Variants in KLHL36 observed in about 807,000 individuals in gnomAD.
KLHL36 encodes the protein kelch like family member 36.
KLHL36 carries 35 observed loss-of-function variants against 53.3 expected under a neutral mutation model. The observed-to-expected ratio is 0.66, with a 90% CI of 0.50 to 0.87. The LOEUF (loss-of-function observed/expected upper bound fraction) is 0.87, where lower values mean the gene tolerates loss of function less well. Ranked by LOEUF, KLHL36 falls within the 40% of genes least tolerant of loss-of-function variation. The pLI, the probability that KLHL36 is intolerant of heterozygous loss-of-function variation, is 0.00. For synonymous variants in KLHL36, 472 were observed against 398.9 expected (o/e 1.18, Z -2.18); for missense variants, 864 against 897.6 (o/e 0.96, Z 0.48).
chr16:84,651,019 T>A, intron 2 of KLHL36, 89 bp downstream of exon 2: 1 of 1,102,840 alleles, frequency 9.1e-7, no homozygotes, highest in Admixed American at 2.4e-5. Context: ...ACAGACTGAT[T>A]TTTTTGTCAT....
intron 2 of KLHL36, among the ~76,000 whole-genome samples, chr16:84,656,011 G>A (rs1907178880): frequency 6.6e-6 from 1 of 151,922 alleles, no homozygotes; most frequent in South Asian, 2.1e-4. Context: ...TCCTGCCTCA[G>A]CCTCCTGAGC....
intron 1 of KLHL36, among the ~76,000 whole-genome samples, chr16:84,649,927 G>A (rs1359364816): frequency 6.6e-6 from 1 of 152,148 alleles, no homozygotes; most frequent in Non-Finnish European, 1.5e-5. Context: ...TCCCTTCTCT[G>A]TGTTCCCTTC....
chr16:84,653,788 C>T (rs1907040734), intron 2 of KLHL36, among the ~76,000 whole-genome samples: 2 of 144,280 alleles, frequency 1.4e-5, no homozygotes, highest in South Asian at 2.2e-4. Flanking sequence ...TGCAGTGAGC[C>T]GAGATCGAGC....
At position 84,662,016 on chromosome 16, in the gene KLHL36, C is replaced by T. The variant is rs759427547; in HGVS notation, c.1734C>T (p.Gly578=). The T allele has an allele frequency of 6.3e-6, 10 of 1,589,352 alleles. No homozygotes were observed. The highest frequency in any genetic ancestry group is 2.3e-5 in the East Asian group (1 of 44,024). The change falls in exon 5 of 5, where the codon GGC becomes GGT. Residue 578 remains glycine, a synonymous_variant. Transcript: ENST00000564996. ...YDREADKWSR[G]VDLPKAIAGG... is the part of the protein sequence containing the mutation. ...GCGAGGCCGACAAGTGGAGCAGGGG[C>T]GTCGACCTGCCCAAGGCCATCGCTG...
intron 1 of KLHL36, among the ~76,000 whole-genome samples, chr16:84,650,275 A>G (rs1261464823): frequency 6.6e-6 from 1 of 151,972 alleles, no homozygotes; most frequent in Admixed American, 6.6e-5. Context: ...CCACATCCTC[A>G]TCTGCATCAT....
rs1239715461 is a variant in KLHL36, at chr16:84,661,697, T to C, written c.1415T>C (p.Val472Ala). Residue 472 changes from valine to alanine, a missense_variant, in exon 5 of 5, where the codon GTG (valine) becomes GCG (alanine). Val to Ala is a moderately conservative substitution (Grantham distance 64). Coordinates refer to ENST00000564996, the MANE Select transcript of KLHL36 (RefSeq NM_024731.4). This position sits in a 1 kb window ranked among gnomAD's most constrained non-coding sequence, Gnocchi z 7.9. ...NLLCYDHRTDVWEERRPMTTA... is the reference protein window; with the variant it reads ...NLLCYDHRTDAWEERRPMTTA... ...CTATGCTACGACCACCGGACAGACG[T>C]GTGGGAGGAGCGGCGGCCCATGACC... 1 of 1,612,024 alleles carries C rather than the reference T, an allele frequency of 6.2e-7. No individual in the cohort carries two copies. Among genetic ancestry groups the C allele is most frequent in the Non-Finnish European group, 8.5e-7 (1 of 1,179,378 alleles).
rs769084766 is a variant in KLHL36 at position 84,657,266 on chromosome 16, G to A, written c.459G>A (p.Glu153=). Residue 153 remains glutamate, a synonymous_variant, in exon 3 of 5, where the codon GAG becomes GAA. Coordinates refer to ENST00000564996, the MANE Select transcript of KLHL36 (RefSeq NM_024731.4). The stretch of plus-strand genomic sequence containing the variant: ...AGGACAACTACCTGTACCTGCAGGA[G>A]CTGGCCTCCATCTACAGCCTCAAGC... ...VSEDNYLYLQ[E]LASIYSLKRL... 1.2e-6 allele frequency: 2 copies of A among 1,614,014 alleles called. No individual in the cohort carries two copies. Among genetic ancestry groups the A allele is most frequent in the Non-Finnish European group, 1.7e-6 (2 of 1,180,052 alleles).
intron 1 of KLHL36, among the ~76,000 whole-genome samples, chr16:84,650,153 G>C (rs1021915674): frequency 6.6e-6 from 1 of 152,208 alleles, no homozygotes; most frequent in Admixed American, 6.5e-5. Flanking sequence ...GCATCCTCCA[G>C]TCACAGTGCT....
rs1203645037 is a variant in KLHL36 at position 84,667,331 on chromosome 16, G to C, written c.*5198G>C. On this transcript the variant is annotated 3_prime_UTR_variant, in exon 5 of 5. Coordinates refer to ENST00000564996, the MANE Select transcript of KLHL36 (RefSeq NM_024731.4). ...TTTCAAAATCAGCGAGATATTTGAT[G>C]ATTAAGTGATTCATTGGGTATGTTC... The C allele has an allele frequency of 2.0e-5, 3 of 152,200 alleles. No individual in the cohort carries two copies. Among genetic ancestry groups the C allele is most frequent in the Non-Finnish European group, 4.4e-5 (3 of 68,044 alleles). The allele number at this position is 152,200 out of a possible 1,614,324, so 9.4% of individuals were successfully genotyped here. A position where few individuals can be genotyped will look rare whatever the true frequency, so the allele number is the denominator to read the frequency against.
At chr16:84,653,797 G>GCC (rs1303386767) in intron 2 of KLHL36, among the ~76,000 whole-genome samples, 1 of 141,656 alleles carries the variant, frequency 7.1e-6, no homozygotes, top group Non-Finnish European at 1.5e-5. Flanking sequence ...CCGAGATCGA[G>GCC]CCACTGCACT....
chr16:84,656,815 T>C, intron 2 of KLHL36, 56 bp from the exon 3 acceptor site: 2 of 1,363,570 alleles, frequency 1.5e-6, no homozygotes, highest in East Asian at 2.3e-5. Flanking sequence ...ACCCACTGGG[T>C]TGGACCAGGG....
intron 2 of KLHL36, among the ~76,000 whole-genome samples, chr16:84,652,549 G>A (rs371202096): frequency 5.9e-5 from 9 of 152,158 alleles, no homozygotes; most frequent in Admixed American, 1.3e-4. Context: ...GATTACAGGC[G>A]CGAGCCACCA....
At position 84,665,886 on chromosome 16, in the gene KLHL36, C is replaced by T. The variant is rs1907807809; in HGVS notation, c.*3753C>T. 1 of 152,300 alleles carries T rather than the reference C, an allele frequency of 6.6e-6. No individual in the cohort carries two copies. Among genetic ancestry groups the T allele is most frequent in the Admixed American group, 6.5e-5 (1 of 15,306 alleles). 9.4% of individuals were successfully genotyped at this position (152,300 alleles called of 1,614,324 possible). ...CCACCACCCCCTGTAGAGTCACTGA[C>T]CTTCATCCTTCACCCTGGTCCTCCA... On this transcript the variant is annotated 3_prime_UTR_variant, in exon 5 of 5. Transcript: ENST00000564996.
rs1291147003 is a variant in KLHL36 at position 84,664,959 on chromosome 16, G to A, written c.*2826G>A. 1 of 152,258 alleles carries A rather than the reference G, an allele frequency of 6.6e-6. No homozygotes were observed. The highest frequency in any genetic ancestry group is 6.5e-5 in the Admixed American group (1 of 15,282). 9.4% of individuals were successfully genotyped at this position (152,258 alleles called of 1,614,324 possible). A position where few individuals can be genotyped will look rare whatever the true frequency, so the allele number is the denominator to read the frequency against. On this transcript the variant is annotated 3_prime_UTR_variant, in exon 5 of 5. Coordinates refer to ENST00000564996, the MANE Select transcript of KLHL36 (RefSeq NM_024731.4). ...GAGAATCACCTGAGCCTGGGAGGTTGAGGCTGCAGTGAGCTATGACCACAC... is the reference window on the plus strand; with the variant it reads ...GAGAATCACCTGAGCCTGGGAGGTTAAGGCTGCAGTGAGCTATGACCACAC...
chr16:84,661,811 G>A lies in KLHL36; in HGVS notation c.1529G>A (p.Arg510His), dbSNP rs1331263177. The A allele has an allele frequency of 3.7e-6, 6 of 1,609,540 alleles. No homozygotes were observed. Among genetic ancestry groups the A allele is most frequent in the Non-Finnish European group, 3.4e-6 (4 of 1,176,732 alleles). The change falls in exon 5 of 5, where the codon CGC becomes CAC. Residue 510 changes from arginine (R) to histidine (H), a missense_variant. Coordinates refer to ENST00000564996, the MANE Select transcript of KLHL36 (RefSeq NM_024731.4). This position sits in a 1 kb window ranked among gnomAD's most constrained non-coding sequence, Gnocchi z 7.9. ...GATGACAACATCGAGTCCATGGAGC[G>A]CTTCGACGTGCTGGGCGTGGAGGCC... ...GSDDNIESME[R>H]FDVLGVEAYS... is the part of the protein sequence containing the mutation.
At chr16:84,653,983 AGTTT>A (rs1907056092) in intron 2 of KLHL36, among the ~76,000 whole-genome samples, 2 of 152,246 alleles carry the variant, frequency 1.3e-5, no homozygotes, top group South Asian at 4.1e-4. Flanking sequence ...GCAGAAACCC[AGTTT>A]TGGAAACAAC....
chr16:84,665,215 G>A lies in KLHL36; in HGVS notation c.*3082G>A, dbSNP rs955712522. The A allele has an allele frequency of 6.6e-6, 1 of 151,288 alleles. No homozygotes were observed. Among genetic ancestry groups the A allele is most frequent in the Admixed American group, 6.6e-5 (1 of 15,186 alleles). The allele number at this position is 151,288 out of a possible 1,614,324, so 9.4% of individuals were successfully genotyped here. A position where few individuals can be genotyped will look rare whatever the true frequency, so the allele number is the denominator to read the frequency against. ...TCATGTTAAACTTTCAGTGTTTCAAGCTATTCTGCTTGAATTTTGAAGACA... is the reference window on the plus strand; with the variant it reads ...TCATGTTAAACTTTCAGTGTTTCAAACTATTCTGCTTGAATTTTGAAGACA... On this transcript the variant is annotated 3_prime_UTR_variant, in exon 5 of 5. Transcript: ENST00000564996.
intron 1 of KLHL36, among the ~76,000 whole-genome samples, chr16:84,650,301 T>C (rs892677367): frequency 1.3e-5 from 2 of 152,120 alleles, no homozygotes; most frequent in Admixed American, 1.3e-4. Flanking sequence ...TTTTAAAGTG[T>C]GATACTCTCG....
chr16:84,657,851 C>T lies in KLHL36; in HGVS notation c.1044C>T (p.Phe348=), dbSNP rs932318591. Residue 348 remains phenylalanine, a synonymous_variant, in exon 3 of 5, where the codon TTC becomes TTT. Coordinates refer to ENST00000564996, the MANE Select transcript of KLHL36 (RefSeq NM_024731.4). Reference sequence around the variant, plus strand: ...TCGCGGTGCTGGGGGGCTTCATCTTCATCGCCGGCGGCAGCTTCTCACGGG... The same window carrying T: ...TCGCGGTGCTGGGGGGCTTCATCTTTATCGCCGGCGGCAGCTTCTCACGGG... The part of the protein sequence containing the change: ...HCVAVLGGFI[F]IAGGSFSRDN... The T allele has an allele frequency of 1.9e-6, 3 of 1,594,476 alleles. No homozygotes were observed. The highest frequency in any genetic ancestry group is 2.6e-6 in the Non-Finnish European group (3 of 1,167,956).
Sources: allele counts gnomAD v4.1 joint callset (sites outside exome capture counted in the v4.1 genomes callset), GRCh38; gene constraint gnomAD v4.1.1; non-coding constraint Gnocchi (gnomAD v3.1); transcripts MANE v1.5; gene names NCBI Gene and HGNC (gene_info 2026-07-23, HGNC 2026-07-21).